The following NAV2 variants were observed in gnomAD, a reference collection of about 807,000 sequenced individuals.
NAV2 encodes neuron navigator 2.
Under a neutral mutation model 223.2 loss-of-function variants are expected in NAV2, and 54 were observed. That is an observed-to-expected ratio of 0.24 (90% CI 0.19 to 0.30). NAV2 has a LOEUF of 0.30. NAV2 is among the 10% of genes least tolerant of loss of function. NAV2 has a pLI of 1.00. For missense variants in NAV2, 2,806 were observed against 3,147.5 expected, an observed-to-expected ratio of 0.89 and a Z score of 2.60; for synonymous variants, 1,279 against 1,239.3, an observed-to-expected ratio of 1.03 and a Z score of -0.67.
intron 36 of NAV2, 102 bp from the exon 37 acceptor site, chr11:20,114,490 G>T: frequency 1.0e-6 from 1 of 986,330 alleles, no homozygotes; most frequent in Non-Finnish European, 1.5e-6. Context: ...ATCAGGGAAG[G>T]CATGATGCTG....
intron 16 of NAV2, 122 bp from the exon 17 acceptor site, chr11:20,051,167 G>A: frequency 3.8e-6 from 3 of 780,202 alleles, no homozygotes; most frequent in South Asian, 1.5e-5. Flanking sequence ...AGCTGGATAA[G>A]GCACTTCCTG....
At chr11:19,911,031 ATTTTTTTT>A (rs996900212) in intron 6 of NAV2, among the ~76,000 whole-genome samples, 1 of 123,392 alleles carries the variant, frequency 8.1e-6, no homozygotes, top group East Asian at 2.3e-4. Context: ...TTGCAAGCAC[ATTTTTTTT>A]TTTTTTTTTT....
intron 1 of NAV2, among the ~76,000 whole-genome samples, chr11:19,744,919 C>T (rs1228468555): frequency 2.0e-5 from 3 of 152,158 alleles, no homozygotes; most frequent in Non-Finnish European, 4.4e-5. Flanking sequence ...TTTTTGCCGT[C>T]ATGAACAATG....
chr11:19,714,034 G>A, intron 1 of NAV2, 72 bp downstream of exon 1: 1 of 1,559,780 alleles, frequency 6.4e-7, no homozygotes, highest in Non-Finnish European at 8.7e-7. Context: ...TGGTGTGGGA[G>A]AAAGGGCTGG....
At chr11:19,594,385 G>A (rs2046145885) in intron 1 of NAV2, among the ~76,000 whole-genome samples, 1 of 151,178 alleles carries the variant, frequency 6.6e-6, no homozygotes, top group African/African-American at 2.4e-5. Context: ...TTTCTCCTGT[G>A]CTGCAAGGTT....
chr11:19,545,177 A>G (rs1333043683), intron 1 of NAV2, among the ~76,000 whole-genome samples: 2 of 152,106 alleles, frequency 1.3e-5, no homozygotes, highest in East Asian at 3.9e-4. Context: ...GGCATTTATT[A>G]TTGGGCGCTC....
chr11:20,066,792 G>A (rs1367250691), intron 20 of NAV2, among the ~76,000 whole-genome samples: 1 of 152,172 alleles, frequency 6.6e-6, no homozygotes. Context: ...ACCTAGCGAG[G>A]ACCCAAGGAC....
chr11:19,809,248 G>A (rs1309894292), intron 1 of NAV2, among the ~76,000 whole-genome samples: 12 of 152,166 alleles, frequency 7.9e-5, no homozygotes, highest in Admixed American at 7.2e-4. Context: ...ACCCATGTAT[G>A]TTGTTTGTGT....
chr11:19,485,755 GA>G (rs2042423847), intron 1 of NAV2, among the ~76,000 whole-genome samples: 1 of 151,966 alleles, frequency 6.6e-6, no homozygotes, highest in Non-Finnish European at 1.5e-5. Flanking sequence ...GAAAGAAAGA[GA>G]CCAAGAGCTA....
intron 1 of NAV2, among the ~76,000 whole-genome samples, chr11:19,592,646 C>T (rs1193048429): frequency 6.6e-6 from 1 of 152,064 alleles, no homozygotes. Context: ...TCTAATATGT[C>T]TGAGTTTCCC....
At chr11:19,722,554 A>G (rs2050833486) in intron 1 of NAV2, among the ~76,000 whole-genome samples, 1 of 152,162 alleles carries the variant, frequency 6.6e-6, no homozygotes, top group Non-Finnish European at 1.5e-5. Context: ...CTCAGCTTGG[A>G]CTGCGATTGC....
chr11:19,611,712 C>A (rs1565098878), intron 1 of NAV2, among the ~76,000 whole-genome samples: 1 of 152,148 alleles, frequency 6.6e-6, no homozygotes, highest in African/African-American at 2.4e-5. Context: ...GCAGCTCCAC[C>A]CCTGTGGCTT....
chr11:19,449,264 C>T (rs1318692981), intron 1 of NAV2, among the ~76,000 whole-genome samples: 2 of 152,004 alleles, frequency 1.3e-5, no homozygotes, highest in Non-Finnish European at 2.9e-5. Context: ...TGAAACACTC[C>T]CCAAGAGAAG....
intron 35 of NAV2, chr11:20,107,154 T>G (rs1476780457): frequency 2.2e-5 from 3 of 136,670 alleles, no homozygotes; most frequent in Admixed American, 8.1e-5. Context: ...CTCGGCTCAC[T>G]GCAAGCTCTG....
chr11:19,820,404 A>C (rs913931152), intron 1 of NAV2, among the ~76,000 whole-genome samples: 7 of 152,264 alleles, frequency 4.6e-5, no homozygotes, highest in Non-Finnish European at 1.0e-4. Context: ...GCTTTCTGGC[A>C]GCTAGTAGAG....
At chr11:19,546,160 T>A (rs568124525) in intron 1 of NAV2, among the ~76,000 whole-genome samples, 1 of 152,206 alleles carries the variant, frequency 6.6e-6, no homozygotes, top group Non-Finnish European at 1.5e-5. Context: ...AGGAGACAAG[T>A]ATGTAGATAT....
intron 1 of NAV2, among the ~76,000 whole-genome samples, chr11:19,804,773 G>A (rs1238844878): frequency 6.6e-6 from 1 of 152,216 alleles, no homozygotes; most frequent in Non-Finnish European, 1.5e-5. Context: ...TTTAACATGT[G>A]AAATAGGGGA....
intron 6 of NAV2, among the ~76,000 whole-genome samples, chr11:19,894,509 T>C (rs1179258801): frequency 1.3e-5 from 2 of 152,176 alleles, no homozygotes; most frequent in Non-Finnish European, 2.9e-5. Context: ...TCCTGGTGGA[T>C]TTAACAGGTA....
chr11:19,929,778 C>G (rs1441340974), intron 6 of NAV2, among the ~76,000 whole-genome samples: 3 of 152,178 alleles, frequency 2.0e-5, no homozygotes, highest in Admixed American at 2.0e-4. Flanking sequence ...TCATAAGTAT[C>G]TTTATGCTCC....
Sources: allele counts gnomAD v4.1 joint callset (sites outside exome capture counted in the v4.1 genomes callset), GRCh38; gene constraint gnomAD v4.1.1; transcripts MANE v1.5; gene names NCBI Gene and HGNC (gene_info 2026-07-23, HGNC 2026-07-21).